Variants in ANKRD28 observed in about 807,000 individuals in gnomAD.
ANKRD28 encodes serine/threonine-protein phosphatase 6 regulatory ankyrin repeat subunit A.
In ANKRD28, 44 loss-of-function variants were observed where a neutral mutation model predicts 126.5. That is an observed-to-expected ratio of 0.35 (90% CI 0.27 to 0.45). The LOEUF (loss-of-function observed/expected upper bound fraction) is 0.45, where lower values mean the gene tolerates loss of function less well. Among genes scored for constraint, ANKRD28 ranks in the 20% least tolerant of loss-of-function variants. The probability of loss-of-function intolerance (pLI) is 1.00; values close to 1 mark genes in which losing one functional copy is unlikely to be tolerated. For synonymous variants in ANKRD28, 442 were observed against 468.5 expected (o/e 0.94, Z 0.73); for missense variants, 1,110 against 1,316.6 (o/e 0.84, Z 2.43).
chr3:15,721,591 A>T (rs2073738074), intron 7 of ANKRD28, among the ~76,000 whole-genome samples: 1 of 152,176 alleles, frequency 6.6e-6, no homozygotes, highest in East Asian at 1.9e-4. Context: ...ACAGATCAAG[A>T]TTTAAAAAAA....
intron 2 of ANKRD28, among the ~76,000 whole-genome samples, chr3:15,777,038 G>A (rs568218559): frequency 6.6e-6 from 1 of 152,268 alleles, no homozygotes; most frequent in East Asian, 1.9e-4. Flanking sequence ...CACTTTGGGA[G>A]GCCGAGGTGG....
chr3:15,766,448 G>T, intron 2 of ANKRD28, 136 bp from the exon 3 acceptor site: 1 of 604,734 alleles, frequency 1.7e-6, no homozygotes, highest in Non-Finnish European at 2.9e-6. Flanking sequence ...TATAACTCTA[G>T]CCTAGTCTGC....
intron 1 of ANKRD28, among the ~76,000 whole-genome samples, chr3:15,822,053 G>C (rs1178061327): frequency 1.3e-5 from 2 of 152,182 alleles, no homozygotes; most frequent in Non-Finnish European, 2.9e-5. Flanking sequence ...GAAAATAAAG[G>C]TTTTGAAAGC....
chr3:15,735,591 G>T (rs931152608), intron 5 of ANKRD28, 94 bp from the exon 6 acceptor site: 2 of 953,520 alleles, frequency 2.1e-6, no homozygotes, highest in Non-Finnish European at 3.1e-6. Context: ...AACTTCTCTG[G>T]CACTAAATTT....
intron 27 of ANKRD28, 92 bp from the exon 28 acceptor site, chr3:15,670,648 C>T (rs879331484): frequency 1.7e-5 from 21 of 1,213,460 alleles, no homozygotes; most frequent in Non-Finnish European, 2.1e-5. Flanking sequence ...CAACTTTAGA[C>T]ATATTTTACA....
chr3:15,674,174 C>CAAAAAA (rs34806568), intron 27 of ANKRD28, among the ~76,000 whole-genome samples: 10,017 of 40,170 alleles, frequency 0.25, 2,739 homozygotes, highest in Admixed American at 0.31. Context: ...CCTGCCTCTT[C>CAAAAAA]AAAAAAAAAA....
At chr3:15,832,958 A>G (rs897894812) in intron 1 of ANKRD28, among the ~76,000 whole-genome samples, 3 of 152,224 alleles carry the variant, frequency 2.0e-5, no homozygotes, top group Admixed American at 6.5e-5. Context: ...GTGGGACTGC[A>G]GAATCAAATG....
intron 4 of ANKRD28, among the ~76,000 whole-genome samples, chr3:15,744,427 A>G (rs1190642576): frequency 2.7e-5 from 4 of 150,942 alleles, no homozygotes. Flanking sequence ...GATCCTCCTC[A>G]GCCTCCAGAG....
intron 1 of ANKRD28, among the ~76,000 whole-genome samples, chr3:15,855,953 A>G (rs1042212375): frequency 6.6e-6 from 1 of 152,236 alleles, no homozygotes; most frequent in Non-Finnish European, 1.5e-5. Context: ...CAATTTTTAA[A>G]AAGTGTTTTG....
intron 3 of ANKRD28, among the ~76,000 whole-genome samples, chr3:15,753,187 CAGAG>C: frequency 6.6e-6 from 1 of 152,274 alleles, no homozygotes; most frequent in Non-Finnish European, 1.5e-5. Context: ...AAGAACCAGT[CAGAG>C]AGCATGACAT....
At chr3:15,741,445 C>CA (rs1227430305) in intron 4 of ANKRD28, among the ~76,000 whole-genome samples, 9 of 152,084 alleles carry the variant, frequency 5.9e-5, no homozygotes, top group South Asian at 2.1e-4. Context: ...ATTTTATTAA[C>CA]AAAAAACATT....
intron 1 of ANKRD28, among the ~76,000 whole-genome samples, chr3:15,835,465 T>G (rs1411127307): frequency 6.6e-6 from 1 of 152,218 alleles, no homozygotes; most frequent in Non-Finnish European, 1.5e-5. Flanking sequence ...AAAGGTAGAT[T>G]CACGTTCCTC....
At chr3:15,753,647 T>G (rs924955411) in intron 3 of ANKRD28, among the ~76,000 whole-genome samples, 17 of 152,052 alleles carry the variant, frequency 1.1e-4, no homozygotes, top group African/African-American at 4.1e-4. Context: ...AAAGTATTAA[T>G]TAGCAGGAGA....
In ANKRD28 at chr3:15,830,073, C is replaced by A. The variant is rs1403198532; in HGVS notation, c.27+29304G>T. Reference sequence around the variant, plus strand: ...TAAGTAATTTATACTTAAAAACAATCTTAAGGGAAATAGGCTTTTCCCTCC... The same window carrying A: ...TAAGTAATTTATACTTAAAAACAATATTAAGGGAAATAGGCTTTTCCCTCC... On this transcript the variant is annotated intron_variant, in intron 1 of 27. Coordinates refer to the ANKRD28 transcript ENST00000399451. This position sits in a 1 kb window ranked among gnomAD's most constrained non-coding sequence, Gnocchi z 4.5. Among the ~76,000 whole-genome samples, 1 of 152,076 alleles carries A rather than the reference C, an allele frequency of 6.6e-6. No individual in the cohort carries two copies. Among genetic ancestry groups the A allele is most frequent in the Non-Finnish European group, 1.5e-5 (1 of 68,006 alleles).
chr3:15,819,429 A>G (rs1001111564), intron 1 of ANKRD28, among the ~76,000 whole-genome samples: 3 of 152,226 alleles, frequency 2.0e-5, no homozygotes, highest in Admixed American at 6.5e-5. Context: ...AGACAGTAAA[A>G]TATTATCTTT....
intron 6 of ANKRD28, among the ~76,000 whole-genome samples, chr3:15,726,748 G>A (rs1034537932): frequency 2.6e-5 from 4 of 152,212 alleles, no homozygotes; most frequent in Admixed American, 2.6e-4. Context: ...ATTGGAAGAT[G>A]CCATCAAGGA....
chr3:15,697,467 T>C (rs2069797933), intron 14 of ANKRD28: 1 of 152,124 alleles, frequency 6.6e-6, no homozygotes, highest in South Asian at 2.1e-4. Context: ...CCCCAGGAAC[T>C]ATTGAAATAA....
In ANKRD28 at chr3:15,797,216, A is replaced by G; in HGVS notation, c.-695T>C. 1 of 985,170 alleles carries G rather than the reference A, an allele frequency of 1.0e-6. No individual in the cohort carries two copies. The highest frequency in any genetic ancestry group is 4.7e-5 in the South Asian group (1 of 21,280). The allele number at this position is 985,170 out of a possible 1,614,324, so 61.0% of individuals were successfully genotyped here. The stretch of plus-strand genomic sequence containing the variant: ...AGGGGCAAAAAACAAAAACAAAAAA[A>G]AAAAAACCACTCTGCATTAATAGCA... On this transcript the variant is annotated 5_prime_UTR_variant, in exon 1 of 28. Transcript: ENST00000683139.
chr3:15,839,226 A>T lies in ANKRD28; in HGVS notation c.27+20151T>A, dbSNP rs1012505801. ...ATTTACTGAAAACAAATTGCACTCAAGACATTTTATGAATTTTATGGTATA... is the reference window on the plus strand; with the variant it reads ...ATTTACTGAAAACAAATTGCACTCATGACATTTTATGAATTTTATGGTATA... On this transcript the variant is annotated intron_variant, in intron 1 of 27. Transcript: ENST00000399451. The surrounding 1 kb of genome is among the most constrained non-coding windows in gnomAD (Gnocchi z 4.3). Among the ~76,000 whole-genome samples the T allele has an allele frequency of 1.3e-5, 2 of 152,158 alleles. No homozygotes were observed. The highest frequency in any genetic ancestry group is 1.3e-4 in the Admixed American group (2 of 15,288).
Sources: gnomAD v4.1 joint callset for allele counts (sites outside exome capture counted in the v4.1 genomes callset) on GRCh38, gnomAD v4.1.1 for gene constraint, Gnocchi (gnomAD v3.1) non-coding constraint, MANE v1.5 for transcripts, NCBI Gene and HGNC (gene_info 2026-07-23, HGNC 2026-07-21) for gene names.